The following AIG1 variants were observed in gnomAD, a reference collection of about 807,000 sequenced individuals.
AIG1 encodes the protein androgen-induced gene 1 protein.
In AIG1, 23 loss-of-function variants were observed where a neutral mutation model predicts 31.4. That is an observed-to-expected ratio of 0.73 (90% CI 0.53 to 1.04). AIG1 has a LOEUF of 1.04. Ranked by LOEUF, AIG1 falls within the 50% of genes least tolerant of loss-of-function variation. The probability of loss-of-function intolerance (pLI) is 0.00; values close to 1 mark genes in which losing one functional copy is unlikely to be tolerated. For missense variants in AIG1, 274 were observed against 295.0 expected (o/e 0.93, Z 0.52); for synonymous variants, 100 against 110.5 (o/e 0.90, Z 0.60).
At chr6:143,100,615 G>T (rs1000613967) in intron 1 of AIG1, among the ~76,000 whole-genome samples, 3 of 151,912 alleles carry the variant, frequency 2.0e-5, no homozygotes, top group African/African-American at 4.8e-5. Context: ...TATATACATT[G>T]CAAGCCTCTG....
chr6:143,246,020 A>T (rs1794598329), intron 3 of AIG1, among the ~76,000 whole-genome samples: 1 of 152,194 alleles, frequency 6.6e-6, no homozygotes, highest in Non-Finnish European at 1.5e-5. Context: ...GCTTAAAAAA[A>T]AGTTGCAAAA....
chr6:143,205,123 A>G (rs1004069692), intron 3 of AIG1, among the ~76,000 whole-genome samples: 2 of 152,152 alleles, frequency 1.3e-5, no homozygotes, highest in African/African-American at 4.8e-5. Context: ...GGTGTAGTCC[A>G]GGGCAGTGGG....
chr6:143,266,346 CAAAAAAAA>C (rs398002969), intron 3 of AIG1, among the ~76,000 whole-genome samples: 1 of 93,222 alleles, frequency 1.1e-5, no homozygotes, highest in Non-Finnish European at 2.2e-5. Context: ...GAGTCCGTCT[CAAAAAAAA>C]AAAAAAAAAA....
At chr6:143,130,485 G>A (rs1000216847) in intron 1 of AIG1, among the ~76,000 whole-genome samples, 8 of 151,946 alleles carry the variant, frequency 5.3e-5, no homozygotes, top group Non-Finnish European at 1.0e-4. Context: ...GGGAGGCTGA[G>A]GCGGGTAGAT....
downstream of AIG1, chr6:143,342,587 G>A: frequency 9.8e-7 from 1 of 1,024,880 alleles, no homozygotes; most frequent in Admixed American, 1.7e-5. Flanking sequence ...TGTGCATTTG[G>A]ATCAGCTGCT....
chr6:143,138,133 A>C (rs958213444), intron 2 of AIG1, among the ~76,000 whole-genome samples: 1 of 152,194 alleles, frequency 6.6e-6, no homozygotes, highest in East Asian at 1.9e-4. Context: ...GAAAAACACA[A>C]TGGCCAGAGA....
rs1469083113 is a variant in AIG1, at chr6:143,159,612, G to C, written c.298-5470G>C. ...CTTTTAGGAATGAATCCTAGAAACT[G>C]ATTGTCCTCTGGAACAAAGGAGACT... On this transcript the variant is annotated intron_variant, in intron 2 of 5. Transcript: ENST00000357847. Among the ~76,000 whole-genome samples the C allele has an allele frequency of 2.6e-5, 4 of 152,190 alleles. No homozygotes were observed. The East Asian group carries it at 7.7e-4, about 29-fold the overall frequency.
chr6:143,088,922 T>G (rs887091407), intron 1 of AIG1, among the ~76,000 whole-genome samples: 1 of 152,226 alleles, frequency 6.6e-6, no homozygotes, highest in Non-Finnish European at 1.5e-5. Context: ...ATAAGACTTC[T>G]TAGCAGTGCC....
chr6:143,142,458 A>G (rs1364389928), intron 2 of AIG1, among the ~76,000 whole-genome samples: 1 of 152,200 alleles, frequency 6.6e-6, no homozygotes, highest in African/African-American at 2.4e-5. Context: ...ATCTAACCTC[A>G]TAACCTCACC....
chr6:143,088,409 A>G lies in AIG1; in HGVS notation c.141+27343A>G, dbSNP rs147174557. 4.6e-5 allele frequency among the ~76,000 whole-genome samples: 7 copies of G among 152,360 alleles called. No individual in the cohort carries two copies. In the East Asian group the frequency reaches 1.3e-3, roughly 29 times the overall value. On this transcript the variant is annotated intron_variant, in intron 1 of 5. Transcript: ENST00000357847. ...TGCCAGAGAAGATTACTTCTGTATC[A>G]GCCCAAGCCCTGGCAGAGAAGAGAA...
At chr6:143,287,116 C>T (rs145876342) in intron 4 of AIG1, among the ~76,000 whole-genome samples, 1 of 151,954 alleles carries the variant, frequency 6.6e-6, no homozygotes, top group Admixed American at 6.6e-5. Flanking sequence ...TGGACACCCC[C>T]CTCCATCATC....
chr6:143,225,527 C>T (rs544076736), intron 3 of AIG1, among the ~76,000 whole-genome samples: 5 of 152,138 alleles, frequency 3.3e-5, no homozygotes, highest in East Asian at 1.9e-4. Context: ...TATTTTGCTT[C>T]GTTTAAGAAC....
rs753228350 is a variant in AIG1 at position 143,288,836 on chromosome 6, G to A, written c.515+4611G>A. Among the ~76,000 whole-genome samples the A allele has an allele frequency of 3.3e-5, 5 of 152,192 alleles. No homozygotes were observed. Among genetic ancestry groups the A allele is most frequent in the Non-Finnish European group, 5.9e-5 (4 of 68,042 alleles). Reference sequence around the variant, plus strand: ...AAAGACATAAATCTATACCTGTAAGGTATGCATTGATTTGACCTGAAAAGG... The same window carrying A: ...AAAGACATAAATCTATACCTGTAAGATATGCATTGATTTGACCTGAAAAGG... On this transcript the variant is annotated intron_variant, in intron 4 of 5. Transcript: ENST00000357847. This position sits in a 1 kb window ranked among gnomAD's most constrained non-coding sequence, Gnocchi z 4.4.
At chr6:143,321,594 A>C (rs1284268492) in intron 4 of AIG1, among the ~76,000 whole-genome samples, 2 of 152,166 alleles carry the variant, frequency 1.3e-5, no homozygotes, top group Non-Finnish European at 2.9e-5. Context: ...TGTATAAAAA[A>C]AAAATTAAAA....
At chr6:143,204,110 G>T (rs1389687473) in intron 3 of AIG1, among the ~76,000 whole-genome samples, 1 of 152,104 alleles carries the variant, frequency 6.6e-6, no homozygotes, top group Non-Finnish European at 1.5e-5. Flanking sequence ...GTTAGAGAGG[G>T]CCCTGTTCCA....
chr6:143,201,058 G>A (rs576449413), intron 3 of AIG1, among the ~76,000 whole-genome samples: 6 of 152,106 alleles, frequency 3.9e-5, no homozygotes, highest in Non-Finnish European at 8.8e-5. Context: ...TGCTGCTCAA[G>A]ACAGTAAAGT....
intron 3 of AIG1, among the ~76,000 whole-genome samples, chr6:143,208,717 C>T (rs966013372): frequency 3.3e-5 from 5 of 152,254 alleles, no homozygotes; most frequent in Admixed American, 2.0e-4. Context: ...TGTCTAATCT[C>T]ACACTTCATC....
upstream of AIG1, chr6:143,060,815 C>CCCCGCG (rs1352853781): frequency 2.0e-3 from 398 of 198,570 alleles, 1 homozygote; most frequent in Middle Eastern, 0.012. Flanking sequence ...CCCCGCCCCG[C>CCCCGCG]CCCGCGCCCG....
intron 2 of AIG1, among the ~76,000 whole-genome samples, chr6:143,159,177 A>G (rs6570550): frequency 0.56 from 85,656 of 152,126 alleles, 25,000 homozygotes; most frequent in African/African-American, 0.71. Flanking sequence ...CACAGAGTAG[A>G]AAATGCTATG....
Sources: gnomAD v4.1 joint callset for allele counts (sites outside exome capture counted in the v4.1 genomes callset) on GRCh38, gnomAD v4.1.1 for gene constraint, Gnocchi (gnomAD v3.1) non-coding constraint, MANE v1.5 for transcripts, NCBI Gene and HGNC (gene_info 2026-07-23, HGNC 2026-07-21) for gene names.